DCTN4: variants seen among roughly 807,000 people sequenced by gnomAD.
DCTN4 encodes dynactin 4 (p62).
In DCTN4, 23 loss-of-function variants were observed where a neutral mutation model predicts 62.7. The observed-to-expected ratio is 0.37, with a 90% CI of 0.26 to 0.52. The LOEUF is 0.52. Among genes scored for constraint, DCTN4 ranks in the 20% least tolerant of loss-of-function variants. The pLI is 0.92. For synonymous variants in DCTN4, 199 were observed against 202.1 expected (o/e 0.98, Z 0.13); for missense variants, 514 against 580.4 (o/e 0.89, Z 1.18).
At chr5:150,752,001 CATTT>C (rs528119504) in intron 3 of DCTN4, among the ~76,000 whole-genome samples, 223 of 152,232 alleles carry the variant, frequency 1.5e-3, no homozygotes, top group African/African-American at 5.1e-3. Flanking sequence ...TGAGCTTCCT[CATTT>C]ATTAGTCAAT....
At chr5:150,758,424 C>A in intron 1 of DCTN4, 1 of 990,542 alleles carries the variant, frequency 1.0e-6, no homozygotes, top group Non-Finnish European at 1.2e-6. Flanking sequence ...GGCCCAGTTT[C>A]TGGACAAAAG....
intron 4 of DCTN4, among the ~76,000 whole-genome samples, chr5:150,737,464 C>G (rs2113084321): frequency 6.6e-6 from 1 of 152,306 alleles, no homozygotes; most frequent in South Asian, 2.1e-4. Context: ...CCAAAAGGAA[C>G]TCTTGAAACG....
chr5:150,735,215 C>A lies in DCTN4; in HGVS notation c.430-1740G>T, dbSNP rs535392475. On this transcript the variant is annotated intron_variant, in intron 4 of 12. Coordinates refer to ENST00000447998, the MANE Select transcript of DCTN4 (RefSeq NM_016221.4). Reference sequence around the variant, plus strand: ...GCGCCACCTCCTGGCTGGAGGCCAACCAACTCATTATAGCAACTCATAAAA... The same window carrying A: ...GCGCCACCTCCTGGCTGGAGGCCAAACAACTCATTATAGCAACTCATAAAA... 1.2e-4 allele frequency among the ~76,000 whole-genome samples: 15 copies of A among 129,814 alleles called. No individual in the cohort carries two copies. In the East Asian group the frequency reaches 2.4e-3, roughly 20 times the overall value. The allele number at this position is 129,814 out of a possible 152,430, so 85.2% of individuals were successfully genotyped here.
intron 12 of DCTN4, among the ~76,000 whole-genome samples, chr5:150,714,566 C>T (rs1002799935): frequency 7.5e-6 from 1 of 133,296 alleles, no homozygotes; most frequent in African/African-American, 4.1e-5. Context: ...TTTGTAGAGA[C>T]GGAGTCTTAA....
intron 8 of DCTN4, among the ~76,000 whole-genome samples, chr5:150,727,183 A>G (rs1760177759): frequency 6.6e-6 from 1 of 152,200 alleles, no homozygotes; most frequent in South Asian, 2.1e-4. Flanking sequence ...GCAAACTAAA[A>G]ACAATCCAGT....
chr5:150,754,380 C>G (rs955592359), intron 2 of DCTN4, among the ~76,000 whole-genome samples: 1 of 152,160 alleles, frequency 6.6e-6, no homozygotes. Flanking sequence ...ACTCACCTTA[C>G]AAGGAAGCTT....
chr5:150,726,317 G>A (rs1760143549), intron 8 of DCTN4, among the ~76,000 whole-genome samples: 1 of 152,180 alleles, frequency 6.6e-6, no homozygotes, highest in Non-Finnish European at 1.5e-5. Context: ...CCCCACAACT[G>A]AGCGGAGCCA....
intron 7 of DCTN4, 97 bp from the exon 8 acceptor site, chr5:150,730,837 AAC>A: frequency 1.9e-6 from 2 of 1,040,110 alleles, no homozygotes; most frequent in African/African-American, 1.6e-5. Context: ...TGCCTTTACG[AAC>A]AGTGTTGTTC....
intron 1 of DCTN4, among the ~76,000 whole-genome samples, chr5:150,756,910 G>A: frequency 6.6e-6 from 1 of 152,200 alleles, no homozygotes; most frequent in South Asian, 2.1e-4. Context: ...TTTTTTTAAA[G>A]ATTTCTCATT....
intron 2 of DCTN4, among the ~76,000 whole-genome samples, chr5:150,754,289 T>C (rs1016560765): frequency 2.0e-5 from 3 of 152,236 alleles, no homozygotes; most frequent in Non-Finnish European, 4.4e-5. Context: ...TGTACCTGCT[T>C]GAAGTTCTGT....
At chr5:150,727,937 A>T (rs996173209) in intron 8 of DCTN4, among the ~76,000 whole-genome samples, 7 of 152,130 alleles carry the variant, frequency 4.6e-5, no homozygotes, top group Admixed American at 1.3e-4. Flanking sequence ...TCTGTAAATT[A>T]TATTTGTTCT....
chr5:150,721,171 C>T (rs1322073673), intron 9 of DCTN4, among the ~76,000 whole-genome samples: 2 of 152,178 alleles, frequency 1.3e-5, no homozygotes, highest in African/African-American at 4.8e-5. Context: ...CCTCCTAACT[C>T]ACTAGACATG....
chr5:150,730,506 T>C (rs1760318154), intron 8 of DCTN4, 125 bp downstream of exon 8: 3 of 799,006 alleles, frequency 3.8e-6, no homozygotes, highest in Admixed American at 2.2e-5. Flanking sequence ...GCAATTAGTA[T>C]GTTCTCTACA....
rs1201859350 is a variant in DCTN4 at position 150,753,482 on chromosome 5, C to T, written c.382G>A (p.Val128Ile). ...SRDVGMADKS[V>I]ASGGWQEPEN... The stretch of plus-strand genomic sequence containing the variant: ...TATTGAAGTCCATCTCACTCACCTA[C>T]AGATTTGTCTGCCATGCCCACATCT... Residue 128 changes from valine (V) to isoleucine (I), a missense_variant, in exon 3 of 13, where the codon GTA (valine) becomes ATA (isoleucine). Transcript: ENST00000447998. 1.2e-6 allele frequency: 2 copies of T among 1,613,298 alleles called. No individual in the cohort carries two copies. Among genetic ancestry groups the T allele is most frequent in the Non-Finnish European group, 1.7e-6 (2 of 1,179,424 alleles).
intron 4 of DCTN4, among the ~76,000 whole-genome samples, chr5:150,736,502 C>T (rs1424984075): frequency 2.0e-5 from 3 of 152,150 alleles, no homozygotes; most frequent in African/African-American, 4.8e-5. Context: ...CTGTATCCAG[C>T]GAAACTAAGC....
intron 11 of DCTN4, among the ~76,000 whole-genome samples, chr5:150,717,819 T>G (rs895420763): frequency 6.6e-6 from 1 of 152,156 alleles, no homozygotes; most frequent in Non-Finnish European, 1.5e-5. Flanking sequence ...TCACAACCAC[T>G]AATATGTACG....
intron 9 of DCTN4, among the ~76,000 whole-genome samples, chr5:150,721,232 T>C (rs1447670395): frequency 6.6e-6 from 1 of 152,220 alleles, no homozygotes; most frequent in Non-Finnish European, 1.5e-5. Context: ...TGCTGCATAA[T>C]ATTCTACAGT....
At chr5:150,721,747 T>G (rs1388259266) in intron 9 of DCTN4, among the ~76,000 whole-genome samples, 1 of 152,222 alleles carries the variant, frequency 6.6e-6, no homozygotes, top group African/African-American at 2.4e-5. Context: ...ATATTAAACT[T>G]TTGTTTGTCA....
intron 2 of DCTN4, chr5:150,755,650 G>A: frequency 9.0e-6 from 4 of 444,142 alleles, no homozygotes; most frequent in South Asian, 6.4e-5. Flanking sequence ...ATACTTTTGA[G>A]GTCATCAAAA....
Sources: gnomAD v4.1 joint callset for allele counts (sites outside exome capture counted in the v4.1 genomes callset) on GRCh38, gnomAD v4.1.1 for gene constraint, MANE v1.5 for transcripts, NCBI Gene and HGNC (gene_info 2026-07-23, HGNC 2026-07-21) for gene names.